The following TACC3 variants were observed in gnomAD, a reference collection of about 807,000 sequenced individuals.
TACC3 encodes the protein transforming acidic coiled-coil containing protein 3.
Under a neutral mutation model 86.0 loss-of-function variants are expected in TACC3, and 52 were observed. That is an observed-to-expected ratio of 0.60 (90% CI 0.48 to 0.76). TACC3 has a LOEUF of 0.76. Among genes scored for constraint, TACC3 ranks in the 30% least tolerant of loss-of-function variants. The pLI, the probability that TACC3 is intolerant of heterozygous loss-of-function variation, is 0.00. For missense variants in TACC3, 1,120 were observed against 1,070.4 expected, an observed-to-expected ratio of 1.05 and a Z score of -0.65; for synonymous variants, 512 against 430.0, an observed-to-expected ratio of 1.19 and a Z score of -2.36.
Position 1,731,240 on chromosome 4 carries a change from C to G in TACC3, c.1530C>G (p.Thr510=). ...TSCPGSEPVP[T]HQQGQPALEL... ...GTCCAGGCAGTGAGCCAGTGCCCAC[C>G]CATCAGCAGGGGCAGCCTGCCTTGG... The change falls in exon 6 of 16, where the codon ACC becomes ACG. Residue 510 remains threonine (T), a synonymous_variant. Transcript: ENST00000313288. 5 of 1,613,402 alleles carry G rather than the reference C, an allele frequency of 3.1e-6. No homozygotes were observed. The highest frequency in any genetic ancestry group is 4.2e-6 in the Non-Finnish European group (5 of 1,180,000).
Position 1,735,108 on chromosome 4 carries a change from G to A in TACC3, c.1592-165G>A, listed in dbSNP as rs1049944280. Among the ~76,000 whole-genome samples, 6 of 152,362 alleles carry A rather than the reference G, an allele frequency of 3.9e-5. No homozygotes were observed. Among genetic ancestry groups the A allele is most frequent in the Admixed American group, 6.5e-5 (1 of 15,308 alleles). ...CAGCACCCTGCGGTGCCCAGGAGGCGCCTGCCGCAGACAGCAGTCAGGCCC... is the reference window on the plus strand; with the variant it reads ...CAGCACCCTGCGGTGCCCAGGAGGCACCTGCCGCAGACAGCAGTCAGGCCC... On this transcript the variant is annotated intron_variant, in intron 6 of 15. Transcript: ENST00000313288. This position sits in a 1 kb window ranked among gnomAD's most constrained non-coding sequence, Gnocchi z 4.2.
intron 13 of TACC3, among the ~76,000 whole-genome samples, chr4:1,743,362 G>A (rs1560328725): frequency 6.6e-6 from 1 of 151,024 alleles, no homozygotes; most frequent in South Asian, 2.1e-4. Context: ...AGACCAGCCT[G>A]ACCAACATGG....
intron 1 of TACC3, 110 bp from the exon 2 acceptor site, chr4:1,723,311 C>A: frequency 8.9e-7 from 1 of 1,128,416 alleles, no homozygotes; most frequent in Non-Finnish European, 1.3e-6. Context: ...GAGCAATGAG[C>A]ACACCTGTGT....
At position 1,723,392 on chromosome 4, in the gene TACC3, A is replaced by G. The variant is rs755203132; in HGVS notation, c.-1-29A>G. On this transcript the variant is annotated intron_variant, in intron 1 of 15. Transcript: ENST00000313288. ...GACAATGTGGTAGTGTTGCCCTCAC[A>G]CTGACACAAACATGTTCTGCTTTTC... The G allele has an allele frequency of 4.9e-5, 78 of 1,605,198 alleles. No homozygotes were observed. In the South Asian group the frequency reaches 5.7e-4, roughly 12 times the overall value.
At chr4:1,734,883 T>A (rs1284710421) in intron 6 of TACC3, among the ~76,000 whole-genome samples, 6 of 152,138 alleles carry the variant, frequency 3.9e-5, no homozygotes, top group Admixed American at 3.9e-4. Context: ...TGGGCTCAAG[T>A]GATCCACTCG....
chr4:1,724,215 G>A (rs111719361), intron 3 of TACC3, among the ~76,000 whole-genome samples: 2,082 of 151,064 alleles, frequency 0.014, 29 homozygotes, highest in Non-Finnish European at 0.019. Context: ...CTCATGATGC[G>A]CCCGCCTTGG....
At chr4:1,731,883 C>T (rs1462006970) in intron 6 of TACC3, among the ~76,000 whole-genome samples, 2 of 152,258 alleles carry the variant, frequency 1.3e-5, no homozygotes, top group Non-Finnish European at 2.9e-5. Flanking sequence ...ATCCACCTGC[C>T]TCGGCCTCCC....
chr4:1,721,442 G>A (rs1173998117), upstream of TACC3: 1 of 152,132 alleles, frequency 6.6e-6, no homozygotes, highest in African/African-American at 2.4e-5. Flanking sequence ...CCCTCCTGCG[G>A]TCCTGCCCCC....
At chr4:1,729,348 AAGAC>A (rs1175049186) in intron 4 of TACC3, among the ~76,000 whole-genome samples, 5 of 152,128 alleles carry the variant, frequency 3.3e-5, no homozygotes, top group South Asian at 2.1e-4. Context: ...ACACAAGAAA[AAGAC>A]AGAAGAAAAG....
intron 6 of TACC3, among the ~76,000 whole-genome samples, chr4:1,734,196 T>G (rs1228332289): frequency 6.6e-6 from 1 of 151,964 alleles, no homozygotes; most frequent in African/African-American, 2.4e-5. Flanking sequence ...GTTTGGTTTG[T>G]TTTTTTCCCG....
rs1297082556 is a variant in TACC3 at position 1,723,439 on chromosome 4, A to G, written c.18A>G (p.Leu6=). 1.9e-6 allele frequency: 3 copies of G among 1,613,358 alleles called. No homozygotes were observed. The African/African-American group carries it at 4.0e-5, about 22-fold the overall frequency. The change falls in exon 2 of 16, where the codon TTA becomes TTG. Residue 6 remains leucine (L), a synonymous_variant. Transcript: ENST00000313288. ...TTTCCAGAATGAGTCTGCAGGTCTT[A>G]AACGACAAAAATGTCAGCAATGAAA... MSLQV[L]NDKNVSNEKN...
chr4:1,723,411 G>C lies in TACC3; in HGVS notation c.-1-10G>C. 4 of 1,611,390 alleles carry C rather than the reference G, an allele frequency of 2.5e-6. No individual in the cohort carries two copies. The highest frequency in any genetic ancestry group is 3.4e-6 in the Non-Finnish European group (4 of 1,178,610). On this transcript the variant is annotated splice_polypyrimidine_tract_variant and intron_variant, in intron 1 of 15. Coordinates refer to ENST00000313288, the MANE Select transcript of TACC3 (RefSeq NM_006342.3). The stretch of plus-strand genomic sequence containing the variant: ...CCTCACACTGACACAAACATGTTCT[G>C]CTTTTCCAGAATGAGTCTGCAGGTC...
Position 1,727,973 on chromosome 4 carries a change from T to G in TACC3, c.571T>G (p.Leu191Val), listed in dbSNP as rs367789085. Residue 191 changes from leucine (L) to valine (V), a missense_variant, in exon 4 of 16, where the codon TTA (leucine) becomes GTA (valine). Transcript: ENST00000313288. ...GGAGGAAAACCTTAGTTCCTATTCC[T>G]TAGACAGAAGAGTGACACCCGCCTC... ...AVEENLSSYSLDRRVTPASET... is the reference protein window; with the variant it reads ...AVEENLSSYSVDRRVTPASET... 82 of 1,613,276 alleles carry G rather than the reference T, an allele frequency of 5.1e-5. No individual in the cohort carries two copies. The highest frequency in any genetic ancestry group is 5.0e-4 in the Admixed American group (30 of 60,012).
chr4:1,720,694 G>A (rs930603173), upstream of TACC3: 7 of 1,553,844 alleles, frequency 4.5e-6, no homozygotes, highest in Non-Finnish European at 5.2e-6. The surrounding 1 kb of genome is among the most constrained non-coding windows in gnomAD (Gnocchi z 4.4). Flanking sequence ...GGAAGGGCAC[G>A]AAGGCGGCGT....
intron 8 of TACC3, 70 bp from the exon 9 acceptor site, chr4:1,737,171 A>G: frequency 7.7e-7 from 1 of 1,301,260 alleles, no homozygotes; most frequent in Non-Finnish European, 1.1e-6. Context: ...TAGCTTGTCC[A>G]CATGGTCCTC....
At position 1,728,802 on chromosome 4, in the gene TACC3, G is replaced by A. The variant is rs1201154706; in HGVS notation, c.1385+15G>A. The A allele has an allele frequency of 1.9e-6, 3 of 1,586,464 alleles. No homozygotes were observed. Among genetic ancestry groups the A allele is most frequent in the Non-Finnish European group, 1.7e-6 (2 of 1,168,588 alleles). ...TGTCTGAGCCAGTAAGTGTGAGGAT[G>A]GGATGGGGAGCGTGGCGTGGGGCAG... On this transcript the variant is annotated intron_variant, in intron 4 of 15. Coordinates refer to ENST00000313288, the MANE Select transcript of TACC3 (RefSeq NM_006342.3).
chr4:1,728,639 C>G lies in TACC3; in HGVS notation c.1237C>G (p.Pro413Ala), dbSNP rs769299161. The G allele has an allele frequency of 1.9e-5, 30 of 1,613,898 alleles. No individual in the cohort carries two copies. In the South Asian group the frequency reaches 2.5e-4, roughly 14 times the overall value. The part of the protein sequence containing the change: ...YHLDWDKMDD[P>A]NFIPFGGDTK... Reference sequence around the variant, plus strand: ...CCTCGACTGGGACAAAATGGATGACCCAAACTTCATCCCGTTCGGAGGTGA... The same window carrying G: ...CCTCGACTGGGACAAAATGGATGACGCAAACTTCATCCCGTTCGGAGGTGA... The change falls in exon 4 of 16, where the codon CCA becomes GCA. Residue 413 changes from proline to alanine, a missense_variant. By Grantham distance (27) the Pro-to-Ala change is conservative (BLOSUM62 -1). Coordinates refer to ENST00000313288, the MANE Select transcript of TACC3 (RefSeq NM_006342.3).
At chr4:1,738,189 A>G (rs1045935611) in intron 10 of TACC3, 4 of 305,354 alleles carry the variant, frequency 1.3e-5, no homozygotes, top group African/African-American at 4.4e-5. Flanking sequence ...AATTGTCCCT[A>G]AGAGAGCTGT....
At position 1,728,218 on chromosome 4, in the gene TACC3, C is replaced by T. The variant is rs1489471205; in HGVS notation, c.816C>T (p.Ala272=). Residue 272 remains alanine (A), a synonymous_variant, in exon 4 of 16, where the codon GCC becomes GCT. Coordinates refer to ENST00000313288, the MANE Select transcript of TACC3 (RefSeq NM_006342.3). ...CCCTGCAGGGTCTGCCTGGCGAAGC[C>T]CTGGGCTGCCCTGCGGGTGTGGGCA... ...GAPLQGLPGE[A]LGCPAGVGTP... The T allele has an allele frequency of 6.2e-7, 1 of 1,612,132 alleles. No individual in the cohort carries two copies. The highest frequency in any genetic ancestry group is 1.1e-5 in the South Asian group (1 of 90,990).
Sources: gnomAD v4.1 joint callset for allele counts (sites outside exome capture counted in the v4.1 genomes callset) on GRCh38, gnomAD v4.1.1 for gene constraint, Gnocchi (gnomAD v3.1) non-coding constraint, MANE v1.5 for transcripts, NCBI Gene and HGNC (gene_info 2026-07-23, HGNC 2026-07-21) for gene names.